DIP2C: variants seen among roughly 807,000 people sequenced by gnomAD.
DIP2C encodes the protein DIP2 acetate--CoA ligase C (putative).
A neutral mutation model predicts 192.4 loss-of-function variants in DIP2C; 33 were observed. That is an observed-to-expected ratio of 0.17 (90% CI 0.13 to 0.23). DIP2C has a LOEUF of 0.23. Among genes scored for constraint, DIP2C ranks in the 10% least tolerant of loss-of-function variants. DIP2C has a pLI of 1.00. For synonymous variants in DIP2C, 979 were observed against 864.1 expected (o/e 1.13, Z -2.33); for missense variants, 1,537 against 2,110.1 (o/e 0.73, Z 5.32).
At chr10:548,938 A>AAAAAG (rs1848451009) in intron 1 of DIP2C, among the ~76,000 whole-genome samples, 2 of 142,444 alleles carry the variant, frequency 1.4e-5, no homozygotes, top group Non-Finnish European at 3.0e-5. Flanking sequence ...AAAAAAAAAA[A>AAAAAG]GTGAGTAAAG....
chr10:421,175 G>A (rs969081397), intron 5 of DIP2C, among the ~76,000 whole-genome samples: 15 of 152,064 alleles, frequency 9.9e-5, no homozygotes, highest in Admixed American at 3.9e-4. Flanking sequence ...AGAAATTACC[G>A]GAATGTGGTC....
intron 1 of DIP2C, among the ~76,000 whole-genome samples, chr10:681,144 T>C (rs1013237170): frequency 1.1e-4 from 16 of 151,858 alleles, no homozygotes; most frequent in African/African-American, 3.6e-4. Flanking sequence ...CTCAGTCCCA[T>C]GGTGCAGCCA....
At chr10:527,722 A>C (rs1847137525) in intron 1 of DIP2C, among the ~76,000 whole-genome samples, 1 of 152,250 alleles carries the variant, frequency 6.6e-6, no homozygotes, top group South Asian at 2.1e-4. Context: ...ACAAGATGTT[A>C]TGAGATGAGT....
At chr10:320,367 G>T (rs530276987) in intron 31 of DIP2C, among the ~76,000 whole-genome samples, 1 of 152,026 alleles carries the variant, frequency 6.6e-6, no homozygotes, top group Admixed American at 6.5e-5. Flanking sequence ...AATTAGCTCG[G>T]CGAGGTGGCA....
chr10:633,055 C>A (rs1039037742), intron 1 of DIP2C, among the ~76,000 whole-genome samples: 2 of 152,242 alleles, frequency 1.3e-5, no homozygotes, highest in African/African-American at 2.4e-5. Context: ...CAGCTGAACT[C>A]GAAGCTGATT....
intron 1 of DIP2C, among the ~76,000 whole-genome samples, chr10:653,905 G>A (rs932193457): frequency 1.3e-5 from 2 of 152,200 alleles, no homozygotes; most frequent in Admixed American, 1.3e-4. Flanking sequence ...TCTTACCTGG[G>A]AGAGACACCC....
intron 3 of DIP2C, among the ~76,000 whole-genome samples, chr10:472,028 T>G (rs372234940): frequency 6.6e-6 from 1 of 152,080 alleles, no homozygotes; most frequent in Non-Finnish European, 1.5e-5. Flanking sequence ...AAAACACAGA[T>G]GAAAGACAGG....
At chr10:680,846 G>A (rs1831102829) in intron 1 of DIP2C, among the ~76,000 whole-genome samples, 1 of 152,248 alleles carries the variant, frequency 6.6e-6, no homozygotes, top group South Asian at 2.1e-4. Flanking sequence ...CTGAGACAGA[G>A]GACCTGACAC....
intron 1 of DIP2C, among the ~76,000 whole-genome samples, chr10:535,337 T>C (rs574595999): frequency 2.6e-5 from 4 of 150,968 alleles, no homozygotes; most frequent in Non-Finnish European, 5.9e-5. Flanking sequence ...AACTCCATGC[T>C]GTGCTAACTC....
intron 11 of DIP2C, 91 bp downstream of exon 11, chr10:390,649 G>T (rs1963389942): frequency 6.5e-7 from 1 of 1,541,346 alleles, no homozygotes; most frequent in Non-Finnish European, 8.8e-7. Context: ...ATTCCACAGA[G>T]GATTGAAACC....
intron 1 of DIP2C, among the ~76,000 whole-genome samples, chr10:525,345 C>T (rs933780969): frequency 3.3e-5 from 5 of 152,138 alleles, no homozygotes; most frequent in African/African-American, 1.2e-4. Flanking sequence ...CTTTTATGAA[C>T]ACACATGAAA....
intron 1 of DIP2C, among the ~76,000 whole-genome samples, chr10:585,535 C>G (rs1850965573): frequency 6.6e-6 from 1 of 152,206 alleles, no homozygotes; most frequent in Non-Finnish European, 1.5e-5. Flanking sequence ...GCACACACAT[C>G]CTGAAGCTCC....
intron 1 of DIP2C, among the ~76,000 whole-genome samples, chr10:532,944 C>T (rs1220760376): frequency 2.0e-5 from 3 of 152,120 alleles, no homozygotes; most frequent in Non-Finnish European, 2.9e-5. Context: ...GTGCACACCA[C>T]CACTCCTACT....
intron 18 of DIP2C, among the ~76,000 whole-genome samples, chr10:367,265 A>T (rs1001732797): frequency 2.6e-4 from 40 of 152,232 alleles, no homozygotes; most frequent in Admixed American, 2.3e-3. Context: ...AAAATACAAA[A>T]AAGTAGCCGG....
rs543775277 is a variant in DIP2C at position 503,132 on chromosome 10, C to G, written c.86-16602G>C. ...AACATAAATCCCGCCAGGACACTGA[C>G]CTGCGGACTTACCACAATTCCAACA... On this transcript the variant is annotated intron_variant, in intron 1 of 36. Coordinates refer to ENST00000280886, the MANE Select transcript of DIP2C (RefSeq NM_014974.3). Among the ~76,000 whole-genome samples the G allele has an allele frequency of 3.9e-5, 6 of 152,208 alleles. No homozygotes were observed. In the South Asian group the frequency reaches 1.2e-3, roughly 32 times the overall value.
chr10:495,892 A>G (rs903810033), intron 1 of DIP2C, among the ~76,000 whole-genome samples: 1 of 150,406 alleles, frequency 6.6e-6, no homozygotes, highest in Non-Finnish European at 1.5e-5. Context: ...TAAAATCTCT[A>G]CATTACTTGC....
chr10:500,194 C>G (rs926480837), intron 1 of DIP2C, among the ~76,000 whole-genome samples: 1 of 152,282 alleles, frequency 6.6e-6, no homozygotes, highest in Non-Finnish European at 1.5e-5. Flanking sequence ...TGACAACCAC[C>G]TCTGTGCTCA....
At chr10:294,066 ACCCTCTCCAAT>A (rs1170721872) in intron 32 of DIP2C, among the ~76,000 whole-genome samples, 1 of 152,126 alleles carries the variant, frequency 6.6e-6, no homozygotes, top group African/African-American at 2.4e-5. Flanking sequence ...TGTAAACTTA[ACCCTCTCCAAT>A]CCAAACTCTT....
intron 17 of DIP2C, among the ~76,000 whole-genome samples, chr10:381,892 T>C (rs1962406691): frequency 6.6e-6 from 1 of 152,168 alleles, no homozygotes; most frequent in African/African-American, 2.4e-5. Flanking sequence ...TTGCCACACC[T>C]TCCCTCTGGA....
Sources: gnomAD v4.1 joint callset for allele counts (sites outside exome capture counted in the v4.1 genomes callset) on GRCh38, gnomAD v4.1.1 for gene constraint, MANE v1.5 for transcripts, NCBI Gene and HGNC (gene_info 2026-07-23, HGNC 2026-07-21) for gene names.